ZNF678: variants seen among roughly 807,000 people sequenced by gnomAD.
The protein encoded by ZNF678 is hypothetical protein MGC42493.
In ZNF678, 5 loss-of-function variants were observed where a neutral mutation model predicts 3.0. The ratio of observed to expected loss-of-function variants is 1.69; its 90% confidence interval spans 0.88 to 3.56. The LOEUF is 3.56. Ranked by LOEUF, ZNF678 falls within the 30% of genes most tolerant of loss-of-function variation. ZNF678 has a pLI of 0.00. For missense variants in ZNF678, 593 were observed against 605.0 expected (o/e 0.98, Z 0.21); for synonymous variants, 218 against 199.6 (o/e 1.09, Z -0.78).
At chr1:227,598,847 A>T (rs1055990756) in intron 1 of ZNF678, 5 of 607,636 alleles carry the variant, frequency 8.2e-6, no homozygotes, top group South Asian at 6.4e-5. Context: ...ATGAAGAAGA[A>T]GATGAATACC....
chr1:227,576,113 A>G (rs550099707), intron 1 of ZNF678, among the ~76,000 whole-genome samples: 5 of 152,200 alleles, frequency 3.3e-5, no homozygotes, highest in African/African-American at 2.4e-5. Flanking sequence ...CATGGTGGAT[A>G]AGCTTTTTGA....
intron 5 of ZNF678, among the ~76,000 whole-genome samples, chr1:227,671,940 A>G (rs1659607002): frequency 6.6e-6 from 1 of 152,240 alleles, no homozygotes. Flanking sequence ...AGGTGCTTGC[A>G]GAGGAAAATC....
At chr1:227,599,655 A>AT (rs1402251001) in intron 1 of ZNF678, among the ~76,000 whole-genome samples, 3 of 151,744 alleles carry the variant, frequency 2.0e-5, no homozygotes, top group Admixed American at 6.6e-5. Context: ...CTATTAGAGA[A>AT]TTTTTTTTTC....
chr1:227,637,281 G>A (rs905145176), intron 1 of ZNF678, among the ~76,000 whole-genome samples: 12 of 152,220 alleles, frequency 7.9e-5, no homozygotes, highest in African/African-American at 2.9e-4. Flanking sequence ...CAGTGCTTTG[G>A]GGGGTTTCTA....
chr1:227,575,585 G>A (rs72748074), intron 1 of ZNF678, among the ~76,000 whole-genome samples: 31,627 of 151,896 alleles, frequency 0.21, 3,734 homozygotes, highest in East Asian at 0.44. Flanking sequence ...ATATTCACAC[G>A]TTGATTTTGT....
chr1:227,582,612 A>G, intron 1 of ZNF678: 1 of 220,578 alleles, frequency 4.5e-6, no homozygotes, highest in Non-Finnish European at 9.4e-6. Context: ...TACAGGTATG[A>G]GACACCACAC....
At chr1:227,676,823 C>T (rs1019985539) in intron 5 of ZNF678, among the ~76,000 whole-genome samples, 1 of 152,102 alleles carries the variant, frequency 6.6e-6, no homozygotes, top group African/African-American at 2.4e-5. Flanking sequence ...TTTCCAGCTT[C>T]ATCCATGTCC....
At chr1:227,586,616 G>A (rs1229904298) in intron 1 of ZNF678, among the ~76,000 whole-genome samples, 3 of 152,312 alleles carry the variant, frequency 2.0e-5, no homozygotes, top group Non-Finnish European at 4.4e-5. Context: ...AAAGAAAAAG[G>A]TAAGGCAGAA....
At chr1:227,584,076 G>A (rs1657200150) in intron 1 of ZNF678, among the ~76,000 whole-genome samples, 1 of 152,238 alleles carries the variant, frequency 6.6e-6, no homozygotes, top group Non-Finnish European at 1.5e-5. Context: ...CAAGTCTAGA[G>A]CCAGTTCTGA....
At chr1:227,674,039 G>A (rs1659641178) in intron 5 of ZNF678, among the ~76,000 whole-genome samples, 2 of 152,168 alleles carry the variant, frequency 1.3e-5, no homozygotes, top group South Asian at 4.1e-4. Context: ...ACACCACCGA[G>A]GTGGCTGCCA....
At chr1:227,678,607 C>T (rs1435249377), downstream of ZNF678, among the ~76,000 whole-genome samples, 3 of 152,172 alleles carry the variant, frequency 2.0e-5, no homozygotes, top group African/African-American at 7.2e-5. Context: ...GGAAATGGAA[C>T]CTCTGTAACC....
intron 1 of ZNF678, among the ~76,000 whole-genome samples, chr1:227,618,129 G>C (rs1440249915): frequency 6.6e-6 from 1 of 152,192 alleles, no homozygotes. Flanking sequence ...CGCCTGCCCT[G>C]AGTTGCCTTG....
Position 227,658,351 on chromosome 1 carries a change from A to G in ZNF678, c.*2523A>G, listed in dbSNP as rs1461359761. The G allele has an allele frequency of 6.6e-6, 1 of 152,070 alleles. No individual in the cohort carries two copies. The highest frequency in any genetic ancestry group is 2.4e-5 in the African/African-American group (1 of 41,420). The allele number at this position is 152,070 out of a possible 1,614,324, so 9.4% of individuals were successfully genotyped here. ...GTATAATAGATGCTCTATAATTAGC[A>G]GTAAATATTCTTGTTTAAGTCACTT... On this transcript the variant is annotated 3_prime_UTR_variant, in exon 4 of 4. Transcript: ENST00000343776.
intron 1 of ZNF678, among the ~76,000 whole-genome samples, chr1:227,620,049 A>G (rs747906017): frequency 2.0e-5 from 3 of 152,186 alleles, no homozygotes; most frequent in Non-Finnish European, 4.4e-5. Context: ...GTGAGAGTTG[A>G]GACTCTGGAG....
At chr1:227,586,364 G>A (rs1334333607) in intron 1 of ZNF678, among the ~76,000 whole-genome samples, 2 of 152,168 alleles carry the variant, frequency 1.3e-5, no homozygotes, top group South Asian at 4.1e-4. Context: ...TGTTTTAAAA[G>A]CCTAAAGAAA....
chr1:227,661,339 CT>C lies in ZNF678; in HGVS notation c.*5512del, dbSNP rs1659401273. The C allele has an allele frequency of 6.6e-6, 1 of 151,652 alleles. No homozygotes were observed. Among genetic ancestry groups the C allele is most frequent in the Non-Finnish European group, 1.5e-5 (1 of 67,960 alleles). 9.4% of individuals were successfully genotyped at this position (151,652 alleles called of 1,614,324 possible). A position where few individuals can be genotyped will look rare whatever the true frequency, so the allele number is the denominator to read the frequency against. ...GTTGTTGTTTACCAGCAGGGGACCC[CT>C]GTTTTGTCTATGTCAAGAACAAAGA... On this transcript the variant is annotated 3_prime_UTR_variant, in exon 4 of 4. Coordinates refer to ENST00000343776, the MANE Select transcript of ZNF678 (RefSeq NM_001367909.1).
intron 1 of ZNF678, among the ~76,000 whole-genome samples, chr1:227,593,143 C>G (rs1202710914): frequency 6.6e-6 from 1 of 152,214 alleles, no homozygotes; most frequent in Admixed American, 6.5e-5. Flanking sequence ...CTGTAGAATC[C>G]TGGAAAAGAG....
At chr1:227,643,742 A>G (rs1326065061) in intron 1 of ZNF678, among the ~76,000 whole-genome samples, 2 of 152,132 alleles carry the variant, frequency 1.3e-5, no homozygotes, top group Non-Finnish European at 2.9e-5. Flanking sequence ...CCAAGTTATA[A>G]AACAGTAAAT....
chr1:227,597,734 T>G (rs1175109153), intron 1 of ZNF678, among the ~76,000 whole-genome samples: 1 of 152,180 alleles, frequency 6.6e-6, no homozygotes, highest in Non-Finnish European at 1.5e-5. Context: ...TAAATAGCTA[T>G]TTTACTTAAT....
Sources: gnomAD v4.1 joint callset for allele counts (sites outside exome capture counted in the v4.1 genomes callset) on GRCh38, gnomAD v4.1.1 for gene constraint, MANE v1.5 for transcripts, NCBI Gene and HGNC (gene_info 2026-07-23, HGNC 2026-07-21) for gene names.